Variants in SLC4A10 observed in about 807,000 individuals in gnomAD.
The protein encoded by SLC4A10 is sodium-driven chloride bicarbonate exchanger.
Under a neutral mutation model 137.7 loss-of-function variants are expected in SLC4A10, and 42 were observed. The ratio of observed to expected loss-of-function variants is 0.30; its 90% confidence interval spans 0.24 to 0.39. The LOEUF is 0.39. Among genes scored for constraint, SLC4A10 ranks in the 10% least tolerant of loss-of-function variants. The pLI, the probability that SLC4A10 is intolerant of heterozygous loss-of-function variation, is 1.00. For synonymous variants in SLC4A10, 474 were observed against 464.1 expected, an observed-to-expected ratio of 1.02 and a Z score of -0.27; for missense variants, 925 against 1,355.0, an observed-to-expected ratio of 0.68 and a Z score of 4.98.
At chr2:161,875,244 G>A (rs2061391049) in intron 8 of SLC4A10, among the ~76,000 whole-genome samples, 1 of 152,112 alleles carries the variant, frequency 6.6e-6, no homozygotes, top group African/African-American at 2.4e-5. Context: ...TGCATGAGTT[G>A]ATATTTTTTA....
intron 1 of SLC4A10, among the ~76,000 whole-genome samples, chr2:161,650,803 G>A (rs967130947): frequency 5.3e-5 from 8 of 152,156 alleles, no homozygotes; most frequent in Non-Finnish European, 1.2e-4. Context: ...ATGGGAGGGA[G>A]GCTGAGTGGG....
At chr2:161,863,201 G>A in intron 6 of SLC4A10, 139 bp downstream of exon 6, 3 of 717,398 alleles carry the variant, frequency 4.2e-6, no homozygotes, top group Admixed American at 4.1e-5. Flanking sequence ...TTTCACATGA[G>A]TATATATTCT....
rs187364462 is a variant in SLC4A10, at chr2:161,959,052, T to C, written c.2862+497T>C. On this transcript the variant is annotated intron_variant, in intron 21 of 26. Transcript: ENST00000446997. Reference sequence around the variant, plus strand: ...AATTATAGGAACCACAAAAGTAACATGGCAAAAATGCTTACAACATAATAC... The same window carrying C: ...AATTATAGGAACCACAAAAGTAACACGGCAAAAATGCTTACAACATAATAC... Among the ~76,000 whole-genome samples the C allele has an allele frequency of 7.2e-5, 11 of 152,200 alleles. No homozygotes were observed. The East Asian group carries it at 1.9e-3, about 27-fold the overall frequency.
chr2:161,778,720 A>G (rs1559229521), intron 2 of SLC4A10, among the ~76,000 whole-genome samples: 1 of 151,976 alleles, frequency 6.6e-6, no homozygotes, highest in Non-Finnish European at 1.5e-5. Context: ...TTAATGAAAA[A>G]GTTAAAATAA....
chr2:161,901,847 C>T (rs1683184447), intron 12 of SLC4A10, among the ~76,000 whole-genome samples: 1 of 152,096 alleles, frequency 6.6e-6, no homozygotes, highest in Admixed American at 6.6e-5. Context: ...ATGGTTCAAA[C>T]AATTTTTTCC....
chr2:161,944,552 T>A (rs556774265), intron 16 of SLC4A10, among the ~76,000 whole-genome samples: 1 of 151,892 alleles, frequency 6.6e-6, no homozygotes, highest in South Asian at 2.1e-4. Flanking sequence ...AAAAATATTT[T>A]GCAATTAAAG....
At chr2:161,791,951 T>C (rs1160844747) in intron 2 of SLC4A10, among the ~76,000 whole-genome samples, 1 of 152,184 alleles carries the variant, frequency 6.6e-6, no homozygotes, top group Admixed American at 6.6e-5. Context: ...AACAAATAAC[T>C]AAGAAATCTT....
At chr2:161,798,675 C>T (rs977776364) in intron 2 of SLC4A10, among the ~76,000 whole-genome samples, 1 of 151,294 alleles carries the variant, frequency 6.6e-6, no homozygotes, top group Admixed American at 6.6e-5. Flanking sequence ...AATGATGAAA[C>T]TGTATTTTGT....
intron 6 of SLC4A10, among the ~76,000 whole-genome samples, chr2:161,864,510 T>A (rs10153535): frequency 0.016 from 2,471 of 152,304 alleles, 67 homozygotes; most frequent in African/African-American, 0.056. Flanking sequence ...TGTCTCAGAA[T>A]GTAGAACCAG....
intron 1 of SLC4A10, among the ~76,000 whole-genome samples, chr2:161,737,881 G>A (rs1211919722): frequency 6.6e-6 from 1 of 152,088 alleles, no homozygotes; most frequent in Non-Finnish European, 1.5e-5. Flanking sequence ...AGAAACAAAG[G>A]GGATAGAACA....
chr2:161,956,249 G>A lies in SLC4A10; in HGVS notation c.2542-740G>A, dbSNP rs549347627. ...GGTGCCTTCTACTATCATCATCATC[G>A]TTTTTCAGATAGGGAAAAAGAGGCA... is the stretch of plus-strand genomic sequence containing the variant. On this transcript the variant is annotated intron_variant, in intron 19 of 26. Coordinates refer to ENST00000446997, the MANE Select transcript of SLC4A10 (RefSeq NM_001178015.2). 5.9e-5 allele frequency among the ~76,000 whole-genome samples: 9 copies of A among 152,162 alleles called. No individual in the cohort carries two copies. In the South Asian group the frequency reaches 6.2e-4, roughly 11 times the overall value.
intron 1 of SLC4A10, among the ~76,000 whole-genome samples, chr2:161,653,893 A>G (rs989402177): frequency 6.6e-6 from 1 of 152,130 alleles, no homozygotes; most frequent in Non-Finnish European, 1.5e-5. Flanking sequence ...TGCTGATTTC[A>G]TTTCCTTTGG....
chr2:161,968,862 G>A (rs568370887), intron 23 of SLC4A10, among the ~76,000 whole-genome samples: 1 of 152,184 alleles, frequency 6.6e-6, no homozygotes, highest in African/African-American at 2.4e-5. Context: ...TTAAATTCCT[G>A]GTTGATTTGT....
At chr2:161,817,660 G>A (rs62187692) in intron 3 of SLC4A10, among the ~76,000 whole-genome samples, 10,032 of 152,076 alleles carry the variant, frequency 0.066, 430 homozygotes, top group East Asian at 0.15. Flanking sequence ...TTTTGTATAT[G>A]GTGTAAGGAA....
chr2:161,700,147 A>G (rs906157754), intron 1 of SLC4A10, among the ~76,000 whole-genome samples: 1 of 152,212 alleles, frequency 6.6e-6, no homozygotes, highest in Non-Finnish European at 1.5e-5. Flanking sequence ...GTAACTGACA[A>G]TTAAAGGCCA....
intron 1 of SLC4A10, among the ~76,000 whole-genome samples, chr2:161,742,984 T>C (rs537128763): frequency 3.9e-5 from 6 of 152,136 alleles, no homozygotes; most frequent in Non-Finnish European, 8.8e-5. Context: ...TTTTATTGAG[T>C]TGTTTGTGCT....
At chr2:161,844,530 G>A (rs535369940) in intron 4 of SLC4A10, among the ~76,000 whole-genome samples, 11 of 151,928 alleles carry the variant, frequency 7.2e-5, no homozygotes, top group African/African-American at 1.2e-4. Flanking sequence ...TTATTTCCCC[G>A]AAGGCTATAA....
At chr2:161,640,448 C>A (rs183461388) in intron 1 of SLC4A10, among the ~76,000 whole-genome samples, 1 of 152,120 alleles carries the variant, frequency 6.6e-6, no homozygotes, top group Non-Finnish European at 1.5e-5. Flanking sequence ...GATTGTATAC[C>A]AGTTTTCACT....
intron 1 of SLC4A10, among the ~76,000 whole-genome samples, chr2:161,765,272 C>G (rs1321876187): frequency 6.6e-6 from 1 of 152,052 alleles, no homozygotes; most frequent in Non-Finnish European, 1.5e-5. Flanking sequence ...TTTTAAAACA[C>G]TGTCCTATAT....
Sources: gnomAD v4.1 joint callset for allele counts (sites outside exome capture counted in the v4.1 genomes callset) on GRCh38, gnomAD v4.1.1 for gene constraint, MANE v1.5 for transcripts, NCBI Gene and HGNC (gene_info 2026-07-23, HGNC 2026-07-21) for gene names.